Variants in PLD1 observed in about 807,000 individuals in gnomAD.
PLD1 encodes phospholipase D1.
Under a neutral mutation model 137.1 loss-of-function variants are expected in PLD1, and 112 were observed. That is an observed-to-expected ratio of 0.82 (90% CI 0.70 to 0.96). The LOEUF (loss-of-function observed/expected upper bound fraction) is 0.96, where lower values mean the gene tolerates loss of function less well. Among genes scored for constraint, PLD1 ranks in the 40% least tolerant of loss-of-function variants. The probability of loss-of-function intolerance (pLI) is 0.00; values close to 1 mark genes in which losing one functional copy is unlikely to be tolerated. For synonymous variants in PLD1, 431 were observed against 454.7 expected (o/e 0.95, Z 0.66); for missense variants, 1,321 against 1,342.0 (o/e 0.98, Z 0.24).
intron 23 of PLD1, among the ~76,000 whole-genome samples, chr3:171,636,875 T>A (rs993279744): frequency 6.6e-6 from 1 of 151,346 alleles, no homozygotes; most frequent in Non-Finnish European, 1.5e-5. Flanking sequence ...CCATTAAGTA[T>A]GATGTCAGCT....
At chr3:171,607,351 C>A (rs1328015724) in intron 25 of PLD1, among the ~76,000 whole-genome samples, 1 of 152,066 alleles carries the variant, frequency 6.6e-6, no homozygotes, top group African/African-American at 2.4e-5. Context: ...ATTTAAGAAG[C>A]TGAAAATTGA....
chr3:171,734,807 G>T, intron 5 of PLD1, 58 bp downstream of exon 5: 1 of 1,006,942 alleles, frequency 9.9e-7, no homozygotes, highest in Non-Finnish European at 1.6e-6. Context: ...AGTAGATGCT[G>T]TGTTTCTACA....
At chr3:171,736,786 G>C (rs781053898) in intron 3 of PLD1, among the ~76,000 whole-genome samples, 11 of 152,206 alleles carry the variant, frequency 7.2e-5, no homozygotes, top group Non-Finnish European at 1.3e-4. Flanking sequence ...TTAGCCTGAA[G>C]GGACAAAGGT....
intron 18 of PLD1, among the ~76,000 whole-genome samples, chr3:171,676,499 C>T (rs932533886): frequency 3.3e-5 from 5 of 152,148 alleles, no homozygotes; most frequent in African/African-American, 1.2e-4. Flanking sequence ...TGTCCCTAGG[C>T]ACTCTGAATT....
intron 19 of PLD1, among the ~76,000 whole-genome samples, chr3:171,662,958 T>C (rs960546745): frequency 6.6e-6 from 1 of 152,254 alleles, no homozygotes; most frequent in African/African-American, 2.4e-5. Flanking sequence ...TTTTCTACTA[T>C]GCCACACTGT....
chr3:171,603,926 C>T (rs550287335), intron 26 of PLD1, among the ~76,000 whole-genome samples: 2 of 152,246 alleles, frequency 1.3e-5, no homozygotes, highest in East Asian at 1.9e-4. Context: ...TAGATGTTTT[C>T]CCCCAAATCC....
At chr3:171,705,904 G>C (rs1716642401) in intron 11 of PLD1, among the ~76,000 whole-genome samples, 1 of 152,078 alleles carries the variant, frequency 6.6e-6, no homozygotes, top group South Asian at 2.1e-4. Flanking sequence ...TGGCCTGTGA[G>C]CTAAGAATGG....
chr3:171,721,107 C>A (rs1299427141), intron 8 of PLD1, among the ~76,000 whole-genome samples: 1 of 152,226 alleles, frequency 6.6e-6, no homozygotes, highest in East Asian at 1.9e-4. Flanking sequence ...TCATCTTGTT[C>A]ACTACTGTTT....
intron 24 of PLD1, among the ~76,000 whole-genome samples, chr3:171,614,871 T>A (rs1578106299): frequency 6.6e-6 from 1 of 152,142 alleles, no homozygotes; most frequent in Admixed American, 6.5e-5. Context: ...CCCACCACAG[T>A]GGGCCCCGAC....
intron 17 of PLD1, 108 bp from the exon 18 acceptor site, chr3:171,676,941 G>A: frequency 3.0e-6 from 2 of 663,204 alleles, no homozygotes; most frequent in South Asian, 1.9e-5. Context: ...GTGCCCACTA[G>A]GTATATATTT....
Position 171,677,035 on chromosome 3 carries a change from C to T in PLD1, c.1997-202G>A, listed in dbSNP as rs9869289. ...ACATAGTCTCCCAGGCACTTCCCCA[C>T]ATATGTTTCCGTTTCACTTAGGATT... On this transcript the variant is annotated intron_variant, in intron 17 of 26. Coordinates refer to ENST00000351298, the MANE Select transcript of PLD1 (RefSeq NM_002662.5). 0.51 allele frequency among the ~76,000 whole-genome samples: 77,241 copies of T among 152,110 alleles called. 20,678 individuals are homozygous for T. The highest frequency in any genetic ancestry group is 0.68 in the African/African-American group (28,205 of 41,488).
intron 23 of PLD1, among the ~76,000 whole-genome samples, chr3:171,626,166 C>A (rs894491335): frequency 1.3e-5 from 2 of 152,024 alleles, no homozygotes; most frequent in Non-Finnish European, 2.9e-5. Context: ...AAGGAGCTGA[C>A]GGAGCTGAAA....
intron 1 of PLD1, among the ~76,000 whole-genome samples, chr3:171,766,614 T>C (rs539799434): frequency 6.6e-6 from 1 of 152,324 alleles, no homozygotes; most frequent in Non-Finnish European, 1.5e-5. Context: ...GCAATTTTCT[T>C]CTGCTACTTT....
chr3:171,787,751 A>G (rs1723063716), intron 1 of PLD1, among the ~76,000 whole-genome samples: 1 of 152,122 alleles, frequency 6.6e-6, no homozygotes, highest in East Asian at 1.9e-4. Flanking sequence ...AGCAGCAAGC[A>G]TATTATCACT....
intron 1 of PLD1, among the ~76,000 whole-genome samples, chr3:171,768,758 G>A (rs369055246): frequency 1.3e-5 from 2 of 152,332 alleles, no homozygotes; most frequent in East Asian, 3.9e-4. Context: ...TTGGCATCAC[G>A]CCCTTCTGGG....
intron 9 of PLD1, among the ~76,000 whole-genome samples, chr3:171,713,186 G>A (rs1260436627): frequency 1.2e-4 from 19 of 152,164 alleles, no homozygotes; most frequent in Admixed American, 3.9e-4. Context: ...TTGGCCAGGC[G>A]GAGTGGCTCA....
intron 23 of PLD1, among the ~76,000 whole-genome samples, chr3:171,627,521 T>C (rs1041330349): frequency 5.3e-5 from 8 of 150,744 alleles, no homozygotes; most frequent in African/African-American, 2.0e-4. Flanking sequence ...AATAGACATC[T>C]ACAGAACTCT....
At chr3:171,628,154 C>T (rs192113578) in intron 23 of PLD1, among the ~76,000 whole-genome samples, 29 of 152,072 alleles carry the variant, frequency 1.9e-4, no homozygotes, top group Middle Eastern at 3.4e-3. Flanking sequence ...ATTAAATAGA[C>T]GCAATAAAAA....
At chr3:171,679,360 C>T (rs1269629900) in intron 16 of PLD1, among the ~76,000 whole-genome samples, 3 of 152,160 alleles carry the variant, frequency 2.0e-5, no homozygotes, top group Non-Finnish European at 2.9e-5. Context: ...CTTCTATTGA[C>T]TTCTCCCAGT....
Sources: allele counts gnomAD v4.1 joint callset (sites outside exome capture counted in the v4.1 genomes callset), GRCh38; gene constraint gnomAD v4.1.1; transcripts MANE v1.5; gene names NCBI Gene and HGNC (gene_info 2026-07-23, HGNC 2026-07-21).